Variants in PCNT observed in about 807,000 individuals in gnomAD.
PCNT encodes pericentrin, also known as kendrin.
PCNT carries 319 observed loss-of-function variants against 380.4 expected under a neutral mutation model. The observed-to-expected ratio is 0.84, with a 90% confidence interval of 0.77 to 0.92. The LOEUF is 0.92. Ranked by LOEUF, PCNT falls within the 40% of genes least tolerant of loss-of-function variation. The pLI is 0.00. For synonymous variants in PCNT, 1,845 were observed against 1,735.2 expected (o/e 1.06, Z -1.57); for missense variants, 4,400 against 4,255.3 (o/e 1.03, Z -0.95).
At chr21:46,432,256 G>A (rs757986210) in intron 38 of PCNT, 41 bp downstream of exon 38, 18 of 1,556,688 alleles carry the variant, frequency 1.2e-5, no homozygotes, top group Middle Eastern at 2.3e-4. Flanking sequence ...ACCTAAAAAC[G>A]ATAAGCAATT....
intron 2 of PCNT, among the ~76,000 whole-genome samples, chr21:46,327,453 T>G (rs1371498267): frequency 6.6e-6 from 1 of 152,008 alleles, no homozygotes. Context: ...CAGCCTGGAG[T>G]GCAGTGGTGT....
intron 16 of PCNT, among the ~76,000 whole-genome samples, chr21:46,383,586 CA>C (rs1449720506): frequency 2.3e-4 from 32 of 138,718 alleles, no homozygotes; most frequent in Admixed American, 8.3e-4. Context: ...CAGTGCTGTG[CA>C]TTCAGCAGCG....
At chr21:46,424,850 T>TAAC (rs2087428642) in intron 32 of PCNT, among the ~76,000 whole-genome samples, 3 of 152,134 alleles carry the variant, frequency 2.0e-5, no homozygotes, top group Non-Finnish European at 1.5e-5. Context: ...CCACATACGT[T>TAAC]ATGTTTAAAG....
chr21:46,334,259 C>G, intron 2 of PCNT, 138 bp from the exon 3 acceptor site: 2 of 1,153,424 alleles, frequency 1.7e-6, no homozygotes, highest in Non-Finnish European at 2.6e-6. Flanking sequence ...GGAAGGTGCA[C>G]GTTCTGAACA....
intron 7 of PCNT, 143 bp from the exon 8 acceptor site, chr21:46,349,541 T>C: frequency 2.4e-6 from 2 of 837,858 alleles, no homozygotes; most frequent in Non-Finnish European, 4.2e-6. Flanking sequence ...CTATCAGGCA[T>C]GTGAGGCTCA....
At chr21:46,435,577 C>G (rs886249008) in intron 38 of PCNT, among the ~76,000 whole-genome samples, 1 of 150,728 alleles carries the variant, frequency 6.6e-6, no homozygotes, top group African/African-American at 2.5e-5. Flanking sequence ...GAGTCTCACT[C>G]TGTTGTCCAG....
intron 2 of PCNT, among the ~76,000 whole-genome samples, chr21:46,329,457 T>C (rs994606649): frequency 6.6e-6 from 1 of 152,156 alleles, no homozygotes; most frequent in African/African-American, 2.4e-5. Context: ...AATAAACACA[T>C]TAGGTTACTT....
In PCNT at chr21:46,349,824, G is replaced by A. The variant is rs2084202396; in HGVS notation, c.1344+4G>A. 1.2e-6 allele frequency: 2 copies of A among 1,613,868 alleles called. No individual in the cohort carries two copies. Among genetic ancestry groups the A allele is most frequent in the South Asian group, 1.1e-5 (1 of 91,076 alleles). On this transcript the variant is annotated splice_donor_region_variant and intron_variant, in intron 8 of 46. Coordinates refer to ENST00000359568, the MANE Select transcript of PCNT (RefSeq NM_006031.6). ...CGAGAAAGAAAAACAGCTGGAGGTG[G>A]GCAGCAGCTTCGTTATTTAATTACT...
rs368199588 is a variant in PCNT, at chr21:46,349,722, A to G, written c.1246A>G (p.Ile416Val). 8.7e-5 allele frequency: 140 copies of G among 1,613,998 alleles called. No homozygotes were observed. In the East Asian group the frequency reaches 1.0e-3, roughly 12 times the overall value. ...RNLESHHQAA[I>V]EKLREDLQSE... ...CCTGGAGAGTCATCATCAAGCAGCC[A>G]TTGAGAAGTTACGTGAAGACCTGCA... Residue 416 changes from isoleucine (I) to valine (V), a missense_variant, in exon 8 of 47, where the codon ATT becomes GTT. Ile to Val is a conservative substitution (Grantham distance 29). Transcript: ENST00000359568.
rs772605468 is a variant in PCNT at position 46,440,994 on chromosome 21, G to A, written c.9533G>A (p.Gly3178Glu). 7 of 1,613,982 alleles carry A rather than the reference G, an allele frequency of 4.3e-6. No homozygotes were observed. The Admixed American group carries it at 1.2e-4, about 27-fold the overall frequency. ...QETLSMIAHL[G>E]VFPSKAERKI... ...ACACTCTCCATGATTGCCCATTTGG[G>A]GGTATTTCCTTCCAAAGCAGAACGG... Residue 3178 changes from glycine to glutamate, a missense_variant, in exon 43 of 47, where the codon GGG becomes GAG. Gly to Glu is a moderately conservative substitution (Grantham distance 98). Coordinates refer to ENST00000359568, the MANE Select transcript of PCNT (RefSeq NM_006031.6).
At chr21:46,439,910 C>T (rs572213515) in intron 41 of PCNT, among the ~76,000 whole-genome samples, 173 bp from the exon 42 acceptor site, 6 of 152,190 alleles carry the variant, frequency 3.9e-5, no homozygotes, top group Admixed American at 6.5e-5. Context: ...CACAGCACGG[C>T]GTAACCTAGG....
intron 32 of PCNT, among the ~76,000 whole-genome samples, chr21:46,422,498 G>A (rs1485561258): frequency 6.6e-6 from 1 of 152,192 alleles, no homozygotes; most frequent in Non-Finnish European, 1.5e-5. Flanking sequence ...GGACTGAGCC[G>A]AGTTCTCTTC....
chr21:46,426,120 C>A, intron 33 of PCNT, 149 bp downstream of exon 33: 1 of 764,710 alleles, frequency 1.3e-6, no homozygotes, highest in Non-Finnish European at 1.9e-6. Flanking sequence ...CTGCAACCTC[C>A]ACCACCCCGG....
intron 14 of PCNT, among the ~76,000 whole-genome samples, chr21:46,365,450 C>T (rs1346561780): frequency 1.3e-5 from 2 of 148,376 alleles, no homozygotes; most frequent in East Asian, 2.1e-4. Context: ...GGGTTCTGTT[C>T]ACTGCCGTGG....
chr21:46,328,528 C>G (rs958865932), intron 2 of PCNT, among the ~76,000 whole-genome samples: 2 of 151,784 alleles, frequency 1.3e-5, no homozygotes, highest in Middle Eastern at 3.2e-3. Context: ...TGGTGCAGTC[C>G]TGGCTCACTG....
chr21:46,423,803 A>AGGGGAG (rs2087367283), intron 32 of PCNT, among the ~76,000 whole-genome samples: 2 of 18,590 alleles, frequency 1.1e-4, no homozygotes, highest in Non-Finnish European at 2.1e-4. Flanking sequence ...GAGGAAGAGA[A>AGGGGAG]GGGGGAGTGG....
chr21:46,334,415 G>A lies in PCNT; in HGVS notation c.286G>A (p.Glu96Lys), dbSNP rs757655615. The A allele has an allele frequency of 2.2e-5, 35 of 1,614,092 alleles. No individual in the cohort carries two copies. The South Asian group carries it at 3.8e-4, about 18-fold the overall frequency. ...TTCTTAGCCGGAGGACTGTGATGGA[G>A]AGAAGAGAGAGGACTTGGAACAGCT... ...FAAQPEDCDG[E>K]KREDLEQLQQ... is the part of the protein sequence containing the mutation. The change falls in exon 3 of 47, where the codon GAG becomes AAG. Residue 96 changes from glutamate (E) to lysine (K), a missense_variant. Glu to Lys is a moderately conservative substitution (Grantham distance 56). Transcript: ENST00000359568.
intron 11 of PCNT, 116 bp downstream of exon 11, chr21:46,354,184 A>T (rs2084385687): frequency 2.1e-6 from 2 of 953,292 alleles, no homozygotes; most frequent in Admixed American, 3.9e-5. Flanking sequence ...CAGGGGAGGA[A>T]GGCTGCTTGC....
chr21:46,410,699 C>G (rs1347008690), intron 27 of PCNT, among the ~76,000 whole-genome samples: 1 of 152,198 alleles, frequency 6.6e-6, no homozygotes, highest in Non-Finnish European at 1.5e-5. Context: ...GTGGCAGTGG[C>G]AGAGACGCCT....
Sources: allele counts gnomAD v4.1 joint callset (sites outside exome capture counted in the v4.1 genomes callset), GRCh38; gene constraint gnomAD v4.1.1; transcripts MANE v1.5; gene names NCBI Gene and HGNC (gene_info 2026-07-23, HGNC 2026-07-21).